Variants in DCP2 observed in about 807,000 individuals in gnomAD.
DCP2 encodes the protein decapping mRNA 2, also known as m7GpppN-mRNA hydrolase.
Under a neutral mutation model 56.1 loss-of-function variants are expected in DCP2, and 30 were observed. That is an observed-to-expected ratio of 0.53 (90% confidence interval 0.40 to 0.73). DCP2 has a LOEUF of 0.73. Among genes scored for constraint, DCP2 ranks in the 30% least tolerant of loss-of-function variants. DCP2 has a pLI of 0.00. For synonymous variants in DCP2, 197 were observed against 163.3 expected, an observed-to-expected ratio of 1.21 and a Z score of -1.57; for missense variants, 533 against 502.7, an observed-to-expected ratio of 1.06 and a Z score of -0.58.
chr5:112,997,817 G>T (rs1210335556), intron 4 of DCP2, among the ~76,000 whole-genome samples: 3 of 152,204 alleles, frequency 2.0e-5, no homozygotes, highest in Non-Finnish European at 4.4e-5. Context: ...GTTTCACTAT[G>T]TTGGCCAGGC....
intron 1 of DCP2, among the ~76,000 whole-genome samples, chr5:112,981,682 C>T (rs555151683): frequency 1.3e-5 from 2 of 152,310 alleles, no homozygotes; most frequent in Non-Finnish European, 2.9e-5. Context: ...TTATATCCTA[C>T]AAATTGGTCA....
chr5:112,986,898 G>A (rs372674866), intron 2 of DCP2, among the ~76,000 whole-genome samples: 1 of 152,284 alleles, frequency 6.6e-6, no homozygotes, highest in Non-Finnish European at 1.5e-5. Context: ...ATCTGCTCGG[G>A]AGGCTGAGGC....
Position 112,987,453 on chromosome 5 carries a change from CCCCG to C in DCP2, c.205+1476_205+1479del, listed in dbSNP as rs1160931597. ...GCTAAAGCACTTTGATTTTTATTCC[CCCCG>C]CCCGCCCGACAAACCGAGACAGCCT... is the stretch of plus-strand genomic sequence containing the variant. On this transcript the variant is annotated intron_variant, in intron 2 of 10. Coordinates refer to ENST00000389063, the MANE Select transcript of DCP2 (RefSeq NM_152624.6). 1.3e-5 allele frequency among the ~76,000 whole-genome samples: 2 copies of C among 151,780 alleles called. 1 individual carries two copies. The highest frequency in any genetic ancestry group is 2.9e-5 in the Non-Finnish European group (2 of 67,940).
intron 9 of DCP2, 27 bp from the exon 10 acceptor site, chr5:113,010,729 G>T (rs1466572804): frequency 1.4e-6 from 2 of 1,480,856 alleles, no homozygotes; most frequent in African/African-American, 1.9e-5. Flanking sequence ...ATGTGTGTGT[G>T]TGTGTGTTTT....
chr5:112,989,142 G>A (rs1026245668), intron 2 of DCP2, among the ~76,000 whole-genome samples: 6 of 152,174 alleles, frequency 3.9e-5, no homozygotes, highest in Non-Finnish European at 8.8e-5. Flanking sequence ...TTACAGTGCA[G>A]TGTGGTAGGA....
chr5:112,983,036 A>G (rs1430067788), intron 1 of DCP2, among the ~76,000 whole-genome samples: 1 of 152,206 alleles, frequency 6.6e-6, no homozygotes, highest in Non-Finnish European at 1.5e-5. Flanking sequence ...GGTGGTTATC[A>G]GTGTTGATTA....
At chr5:113,004,120 T>C (rs752295537) in intron 8 of DCP2, 43 bp downstream of exon 8, 58 of 1,589,870 alleles carry the variant, frequency 3.6e-5, no homozygotes, top group Non-Finnish European at 4.7e-5. Context: ...ATTTAGATCA[T>C]TTGGCTTTGA....
chr5:113,002,029 G>A (rs1371688951), intron 7 of DCP2, among the ~76,000 whole-genome samples: 4 of 152,172 alleles, frequency 2.6e-5, no homozygotes, highest in Admixed American at 2.6e-4. Context: ...AAGACGTTTG[G>A]ATGGAGGATA....
At chr5:112,978,123 C>G (rs796747230) in intron 1 of DCP2, among the ~76,000 whole-genome samples, 3 of 152,118 alleles carry the variant, frequency 2.0e-5, no homozygotes, top group African/African-American at 7.2e-5. Context: ...ATTACAGGCA[C>G]CCGCCACCAC....
intron 9 of DCP2, among the ~76,000 whole-genome samples, chr5:113,009,872 A>C (rs1749602164): frequency 6.6e-6 from 1 of 152,036 alleles, no homozygotes; most frequent in East Asian, 1.9e-4. Context: ...GAAAAATATA[A>C]TACTAATTAG....
At chr5:112,995,344 C>T (rs75717804) in intron 4 of DCP2, among the ~76,000 whole-genome samples, 2,021 of 152,254 alleles carry the variant, frequency 0.013, 54 homozygotes, top group African/African-American at 0.047. Flanking sequence ...TGTAAAAGTC[C>T]TCCCTTTTAT....
At position 112,992,265 on chromosome 5, in the gene DCP2, A is replaced by G. The variant is rs1439012001; in HGVS notation, c.333+17A>G. ...CTTGAAAATGTGAGTGTAATGAAAT[A>G]AAGATTTTTAGTGAAATGGTGATCG... is the stretch of plus-strand genomic sequence containing the variant. On this transcript the variant is annotated intron_variant, in intron 3 of 10. Transcript: ENST00000389063. 2 of 1,600,892 alleles carry G rather than the reference A, an allele frequency of 1.2e-6. No homozygotes were observed. Among genetic ancestry groups the G allele is most frequent in the Non-Finnish European group, 1.7e-6 (2 of 1,175,526 alleles).
At chr5:113,003,921 A>G (rs755045025) in intron 7 of DCP2, 21 bp from the exon 8 acceptor site, 1 of 1,613,444 alleles carries the variant, frequency 6.2e-7, no homozygotes, top group Non-Finnish European at 8.5e-7. Context: ...TGATTTGATT[A>G]TTTTTTAAAT....
chr5:112,986,551 T>C (rs995477528), intron 2 of DCP2, among the ~76,000 whole-genome samples: 4 of 152,106 alleles, frequency 2.6e-5, no homozygotes, highest in Non-Finnish European at 5.9e-5. Flanking sequence ...TTGCTGAGGC[T>C]GGTCTTGAAC....
intron 4 of DCP2, among the ~76,000 whole-genome samples, chr5:113,000,372 T>G (rs116774966): frequency 0.019 from 2,840 of 149,452 alleles, 50 homozygotes; most frequent in African/African-American, 0.021. Context: ...CCAGTCCTAT[T>G]TTTTTGAAGT....
chr5:112,997,843 G>C (rs1377196709), intron 4 of DCP2, among the ~76,000 whole-genome samples: 1 of 152,066 alleles, frequency 6.6e-6, no homozygotes, highest in African/African-American at 2.4e-5. Context: ...TTGAACTCCT[G>C]ACCTCGTGAT....
intron 1 of DCP2, among the ~76,000 whole-genome samples, chr5:112,981,798 G>A (rs1200126941): frequency 6.6e-6 from 1 of 152,290 alleles, no homozygotes; most frequent in South Asian, 2.1e-4. Context: ...TTGAGACGGA[G>A]TCTTGCTCGT....
At position 113,007,942 on chromosome 5, in the gene DCP2, A is replaced by C. The variant is rs1356643461; in HGVS notation, c.947A>C (p.Gln316Pro). 6.2e-7 allele frequency: 1 copy of C among 1,613,272 alleles called. No homozygotes were observed. The highest frequency in any genetic ancestry group is 8.5e-7 in the Non-Finnish European group (1 of 1,179,524). ...TATTTCTTTTTGGGAAAACAGAATC[A>C]AAGTATGAGGGGAAATGGCAGAAAA... Reference protein sequence around the residue: ...EMSDLLKGKNQSMRGNGRKQY... With the variant: ...EMSDLLKGKNPSMRGNGRKQY... Residue 316 changes from glutamine (Q) to proline (P), a missense_variant, in exon 9 of 11, where the codon CAA becomes CCA. By Grantham distance (76) the Gln-to-Pro change is moderately conservative (BLOSUM62 -1). Coordinates refer to ENST00000389063, the MANE Select transcript of DCP2 (RefSeq NM_152624.6).
intron 4 of DCP2, among the ~76,000 whole-genome samples, chr5:113,000,024 G>T (rs1191899775): frequency 7.5e-6 from 1 of 133,820 alleles, no homozygotes; most frequent in Non-Finnish European, 1.5e-5. Flanking sequence ...GCCCACCATT[G>T]CACTCCAGCC....
Sources: allele counts gnomAD v4.1 joint callset (sites outside exome capture counted in the v4.1 genomes callset), GRCh38; gene constraint gnomAD v4.1.1; transcripts MANE v1.5; gene names NCBI Gene and HGNC (gene_info 2026-07-23, HGNC 2026-07-21).